The following PRIM2 variants were observed in gnomAD, a reference collection of about 807,000 sequenced individuals.
The protein encoded by PRIM2 is DNA primase subunit 2.
Under a neutral mutation model 67.3 loss-of-function variants are expected in PRIM2, and 39 were observed. The observed-to-expected ratio is 0.58, with a 90% CI of 0.45 to 0.76. The LOEUF (loss-of-function observed/expected upper bound fraction) is 0.76, where lower values mean the gene tolerates loss of function less well. Ranked by LOEUF, PRIM2 falls within the 30% of genes least tolerant of loss-of-function variation. PRIM2 has a pLI of 0.00. For synonymous variants in PRIM2, 143 were observed against 198.7 expected (o/e 0.72, Z 2.36); for missense variants, 398 against 598.7 (o/e 0.66, Z 3.50).
chr6:57,461,898 A>G (rs1683965364), intron 7 of PRIM2, among the ~76,000 whole-genome samples: 2 of 152,258 alleles, frequency 1.3e-5, no homozygotes, highest in African/African-American at 4.8e-5. Flanking sequence ...GCAGTGGTTA[A>G]AAGCCCTGGC....
chr6:57,381,497 C>A (rs62418053), intron 6 of PRIM2, among the ~76,000 whole-genome samples: 2 of 149,828 alleles, frequency 1.3e-5, no homozygotes, highest in African/African-American at 2.5e-5. Context: ...GCAAATACTT[C>A]TTTTAATAGC....
At chr6:57,497,517 T>G (rs1164497698) in intron 7 of PRIM2, 1 of 152,210 alleles carries the variant, frequency 6.6e-6, no homozygotes, top group African/African-American at 2.4e-5. Context: ...GTTTGCTTCC[T>G]TGGTTCTTCA....
At chr6:57,493,325 A>G (rs1773938306) in intron 7 of PRIM2, among the ~76,000 whole-genome samples, 1 of 152,166 alleles carries the variant, frequency 6.6e-6, no homozygotes, top group African/African-American at 2.4e-5. Context: ...TATGTCTTTA[A>G]CCAAAAATAT....
At chr6:57,345,736 A>G (rs1768654354) in intron 5 of PRIM2, among the ~76,000 whole-genome samples, 1 of 152,134 alleles carries the variant, frequency 6.6e-6, no homozygotes, top group Non-Finnish European at 1.5e-5. Context: ...TAAAGAAACA[A>G]AAGAATGGCT....
intron 9 of PRIM2, among the ~76,000 whole-genome samples, chr6:57,534,522 G>A (rs1774959148): frequency 1.3e-5 from 2 of 151,706 alleles, no homozygotes; most frequent in African/African-American, 4.9e-5. Flanking sequence ...TTTATTATTT[G>A]GACTACTGCC....
the PRIM2 span, among the ~76,000 whole-genome samples, chr6:57,270,944 A>G: frequency 6.6e-6 from 1 of 151,670 alleles, no homozygotes; most frequent in East Asian, 1.9e-4. Context: ...TGATTTGTGT[A>G]TGTTGAACCA....
At chr6:57,462,232 G>A (rs1773032179) in intron 7 of PRIM2, among the ~76,000 whole-genome samples, 1 of 152,156 alleles carries the variant, frequency 6.6e-6, no homozygotes, top group Non-Finnish European at 1.5e-5. Context: ...ACCTAAGGAG[G>A]TATAAAATGA....
chr6:57,466,034 G>A lies in PRIM2; in HGVS notation c.694-41353G>A, dbSNP rs35436419. On this transcript the variant is annotated intron_variant, in intron 7 of 13. Coordinates refer to ENST00000615550, the MANE Select transcript of PRIM2 (RefSeq NM_000947.5). ...CCCCTCCCTGTGTCCATGTGTTCTC[G>A]TTGTTCAGTTCCCACTTATGAGTGA... Among the ~76,000 whole-genome samples, 194 of 151,064 alleles carry A rather than the reference G, an allele frequency of 1.3e-3. 5 individuals carry two copies. The East Asian group carries it at 0.016, about 12-fold the overall frequency.
At chr6:57,382,301 T>C (rs1769991838) in intron 7 of PRIM2, 133 bp downstream of exon 7, 4 of 1,021,210 alleles carry the variant, frequency 3.9e-6, no homozygotes, top group African/African-American at 3.2e-5. Flanking sequence ...TTACATATGA[T>C]GTTGTACTGT....
At chr6:57,379,449 A>G (rs1430634009) in intron 5 of PRIM2, among the ~76,000 whole-genome samples, 1 of 151,892 alleles carries the variant, frequency 6.6e-6, no homozygotes, top group Admixed American at 6.6e-5. Context: ...TTCCTAGAAA[A>G]ACTAGTGTTT....
the PRIM2 span, among the ~76,000 whole-genome samples, chr6:57,264,248 T>G: frequency 2.0e-5 from 3 of 152,204 alleles, no homozygotes; most frequent in Non-Finnish European, 4.4e-5. Flanking sequence ...TAGTGTTTTC[T>G]GCAGTGTTGG....
At chr6:57,583,197 CTTTAAGT>C (rs1423527970) in intron 10 of PRIM2, among the ~76,000 whole-genome samples, 1 of 143,806 alleles carries the variant, frequency 7.0e-6, no homozygotes, top group Non-Finnish European at 1.5e-5. Context: ...TATTATTATA[CTTTAAGT>C]TTTAGGGTAC....
intron 5 of PRIM2, among the ~76,000 whole-genome samples, chr6:57,330,275 G>A (rs1768007203): frequency 7.1e-6 from 1 of 141,228 alleles, no homozygotes; most frequent in Non-Finnish European, 1.5e-5. Context: ...TTTTTGGAAT[G>A]TTCATTGCTA....
intron 2 of PRIM2, among the ~76,000 whole-genome samples, chr6:57,319,832 T>C (rs777295768): frequency 2.0e-5 from 3 of 152,180 alleles, no homozygotes; most frequent in Non-Finnish European, 4.4e-5. Flanking sequence ...TGGATACCCA[T>C]ACCTGTGGGA....
intron 8 of PRIM2, among the ~76,000 whole-genome samples, chr6:57,511,243 CT>C (rs1197671496): frequency 1.3e-5 from 2 of 152,014 alleles, no homozygotes; most frequent in African/African-American, 4.8e-5. Context: ...TGTGTCCAAA[CT>C]GTTTTAGTTG....
Position 57,335,768 on chromosome 6 carries a change from A to G in PRIM2, c.459+9723A>G, listed in dbSNP as rs1398943408. Among the ~76,000 whole-genome samples, 7 of 152,192 alleles carry G rather than the reference A, an allele frequency of 4.6e-5. 1 individual carries two copies. Among genetic ancestry groups the G allele is most frequent in the Non-Finnish European group, 7.3e-5 (5 of 68,050 alleles). ...ACCACAAAGATGGGGAAAAAACAGAACAGAAAAACTGGAAACTCTGAAAAG... is the reference window on the plus strand; with the variant it reads ...ACCACAAAGATGGGGAAAAAACAGAGCAGAAAAACTGGAAACTCTGAAAAG... On this transcript the variant is annotated intron_variant, in intron 5 of 13. Coordinates refer to ENST00000615550, the MANE Select transcript of PRIM2 (RefSeq NM_000947.5).
In PRIM2 at chr6:57,558,798, A is replaced by G. The variant is rs1168714227; in HGVS notation, c.1020+21173A>G. On this transcript the variant is annotated intron_variant, in intron 10 of 13. Transcript: ENST00000615550. ...TTTTCAGGGTTCAGTTTTCTAATCA[A>G]TGCCAAGATGCTAACTTTTAGGTAG... is the stretch of plus-strand genomic sequence containing the variant. 1.7e-4 allele frequency among the ~76,000 whole-genome samples: 26 copies of G among 152,172 alleles called. No individual in the cohort carries two copies. The South Asian group carries it at 4.4e-3, about 26-fold the overall frequency.
At chr6:57,644,926 CAAAATT>C (rs1777309178) in intron 13 of PRIM2, among the ~76,000 whole-genome samples, 2 of 151,884 alleles carry the variant, frequency 1.3e-5, no homozygotes, top group Non-Finnish European at 2.9e-5. Context: ...AAATGATACT[CAAAATT>C]AAAGTTTAAT....
chr6:57,625,910 G>A (rs1164780030), intron 12 of PRIM2, among the ~76,000 whole-genome samples: 9 of 152,292 alleles, frequency 5.9e-5, no homozygotes, highest in Non-Finnish European at 7.4e-5. Context: ...GAGCAAAGTC[G>A]TATGTTCAAA....
Sources: allele counts gnomAD v4.1 joint callset (sites outside exome capture counted in the v4.1 genomes callset), GRCh38; gene constraint gnomAD v4.1.1; transcripts MANE v1.5; gene names NCBI Gene and HGNC (gene_info 2026-07-23, HGNC 2026-07-21).